Variants in DPYSL2 observed in about 807,000 individuals in gnomAD.
DPYSL2 encodes dihydropyrimidinase like 2.
In DPYSL2, 13 loss-of-function variants were observed where a neutral mutation model predicts 69.9. That is an observed-to-expected ratio of 0.19 (90% CI 0.12 to 0.30). The LOEUF (loss-of-function observed/expected upper bound fraction) is 0.30. Ranked by LOEUF, DPYSL2 falls within the 10% of genes least tolerant of loss-of-function variation. DPYSL2 has a pLI of 1.00. For missense variants in DPYSL2, 587 were observed against 918.9 expected, an observed-to-expected ratio of 0.64 and a Z score of 4.67; for synonymous variants, 326 against 359.1, an observed-to-expected ratio of 0.91 and a Z score of 1.04.
chr8:26,535,199 CAGA>C (rs1183555632), intron 1 of DPYSL2, among the ~76,000 whole-genome samples: 1 of 152,140 alleles, frequency 6.6e-6, no homozygotes. Context: ...CCTTGTGTGA[CAGA>C]AGGAGTGTGA....
Position 26,571,541 on chromosome 8 carries a change from T to C in DPYSL2, c.355-10428T>C, listed in dbSNP as rs1021605849. ...GGTGCAGGGTGGGCATTGCAGGAGT[T>C]CTTCAGGAGGTGTGTGCGCTAACTG... On this transcript the variant is annotated intron_variant, in intron 1 of 13. Transcript: ENST00000521913. This position sits in a 1 kb window ranked among gnomAD's most constrained non-coding sequence, Gnocchi z 6.1. Among the ~76,000 whole-genome samples the C allele has an allele frequency of 1.3e-5, 2 of 152,094 alleles. No homozygotes were observed. The highest frequency in any genetic ancestry group is 2.9e-5 in the Non-Finnish European group (2 of 68,010).
chr8:26,623,928 G>T (rs116273049), intron 3 of DPYSL2: 2 of 554,012 alleles, frequency 3.6e-6, no homozygotes, highest in South Asian at 2.1e-5. Flanking sequence ...GTGTGGTTTC[G>T]CTGGAGACAT....
intron 1 of DPYSL2, among the ~76,000 whole-genome samples, chr8:26,568,931 T>G (rs1277018871): frequency 6.6e-6 from 1 of 151,960 alleles, no homozygotes; most frequent in African/African-American, 2.4e-5. Flanking sequence ...GCTTTGTGAA[T>G]GTGAGGCTTG....
intron 1 of DPYSL2, among the ~76,000 whole-genome samples, chr8:26,572,301 G>C (rs1801250089): frequency 6.6e-6 from 1 of 152,224 alleles, no homozygotes; most frequent in African/African-American, 2.4e-5. Context: ...CAGATGCTGA[G>C]GAACTGAGAG....
intron 1 of DPYSL2, among the ~76,000 whole-genome samples, chr8:26,527,251 G>A (rs544544096): frequency 2.8e-4 from 43 of 152,228 alleles, no homozygotes; most frequent in Non-Finnish European, 5.6e-4. Context: ...TCAATATGCT[G>A]TTAAAATCAG....
At chr8:26,574,297 C>T (rs1023993935) in intron 1 of DPYSL2, among the ~76,000 whole-genome samples, 2 of 152,206 alleles carry the variant, frequency 1.3e-5, no homozygotes, top group East Asian at 1.9e-4. Context: ...ACACTGTGTG[C>T]GTGCACCCAT....
chr8:26,616,878 T>C (rs371255), intron 3 of DPYSL2, among the ~76,000 whole-genome samples: 131,079 of 151,924 alleles, frequency 0.86, 56,665 homozygotes, highest in Non-Finnish European at 0.88. Flanking sequence ...CCTCCTCCCT[T>C]CTATTCCACG....
chr8:26,582,706 T>C lies in DPYSL2; in HGVS notation c.443+649T>C, dbSNP rs1801516389. ...TAAGGAAGCTGAGTTCATCCCAGTA[T>C]CTGCCTGCCCTTTCTACTGGGGTAG... On this transcript the variant is annotated intron_variant, in intron 2 of 13. Transcript: ENST00000521913. This position sits in a 1 kb window ranked among gnomAD's most constrained non-coding sequence, Gnocchi z 4.1. Among the ~76,000 whole-genome samples, 1 of 152,194 alleles carries C rather than the reference T, an allele frequency of 6.6e-6. No homozygotes were observed. The highest frequency in any genetic ancestry group is 6.5e-5 in the Admixed American group (1 of 15,274).
Position 26,624,545 on chromosome 8 carries a change from G to A in DPYSL2, c.793+238G>A, listed in dbSNP as rs530968512. ...AAGAGAAGATGAGGCTTACTGCTGG[G>A]ACCTGTTCTTAGGTGACAGCTGCTC... is the stretch of plus-strand genomic sequence containing the variant. On this transcript the variant is annotated intron_variant, in intron 4 of 13. Coordinates refer to ENST00000521913, the MANE Select transcript of DPYSL2 (RefSeq NM_001197293.3). The surrounding 1 kb of genome is among the most constrained non-coding windows in gnomAD (Gnocchi z 4.7). Among the ~76,000 whole-genome samples, 5 of 152,280 alleles carry A rather than the reference G, an allele frequency of 3.3e-5. No homozygotes were observed. In the South Asian group the frequency reaches 8.3e-4, roughly 25 times the overall value.
intron 1 of DPYSL2, among the ~76,000 whole-genome samples, chr8:26,579,612 C>T (rs982150584): frequency 2.6e-5 from 4 of 152,148 alleles, no homozygotes; most frequent in Non-Finnish European, 4.4e-5. Flanking sequence ...CACACCCATC[C>T]GCGGGAGAGA....
Position 26,514,245 on chromosome 8 carries a change from G to C in DPYSL2, c.-81G>C. On this transcript the variant is annotated 5_prime_UTR_variant, in exon 1 of 14. Coordinates refer to ENST00000521913, the MANE Select transcript of DPYSL2 (RefSeq NM_001197293.3). The surrounding 1 kb of genome is among the most constrained non-coding windows in gnomAD (Gnocchi z 8.4). ...CGGCAGCCGCGGCAGCAGCTAGGGG[G>C]CTTGTGCACACAGCGAGGGAGACTT... 1 of 1,237,966 alleles carries C rather than the reference G, an allele frequency of 8.1e-7. No homozygotes were observed. The highest frequency in any genetic ancestry group is 1.6e-5 in the African/African-American group (1 of 62,982). 76.7% of individuals were successfully genotyped at this position (1,237,966 alleles called of 1,614,324 possible).
chr8:26,655,574 C>T lies in DPYSL2; in HGVS notation c.1943-41C>T, dbSNP rs763393454. The T allele has an allele frequency of 1.3e-4, 204 of 1,543,058 alleles. 2 individuals are homozygous for T. Among genetic ancestry groups the T allele is most frequent in the Non-Finnish European group, 1.6e-4 (180 of 1,127,830 alleles). ...TTCAAGCAGGATCTTGTGTGACTGT[C>T]CTGGCCCCTCACCCGCTCCTCTCTT... On this transcript the variant is annotated intron_variant, in intron 13 of 13. Coordinates refer to ENST00000521913, the MANE Select transcript of DPYSL2 (RefSeq NM_001197293.3).
Position 26,626,823 on chromosome 8 carries a change from C to T in DPYSL2, c.855+145C>T. ...GGATGCAGTTACTGATGTAACTGAG[C>T]CTTGGAAGAGAGTATGAACGCAGTG... On this transcript the variant is annotated intron_variant, in intron 5 of 13. Transcript: ENST00000521913. This position sits in a 1 kb window ranked among gnomAD's most constrained non-coding sequence, Gnocchi z 4.3. The T allele has an allele frequency of 1.2e-6, 1 of 847,410 alleles. No homozygotes were observed. Among genetic ancestry groups the T allele is most frequent in the Non-Finnish European group, 1.9e-6 (1 of 537,414 alleles). 52.5% of individuals were successfully genotyped at this position (847,410 alleles called of 1,614,324 possible).
In DPYSL2 at chr8:26,641,583, C is replaced by T. The variant is rs1165960696; in HGVS notation, c.1127-1856C>T. On this transcript the variant is annotated intron_variant, in intron 8 of 13. Coordinates refer to ENST00000521913, the MANE Select transcript of DPYSL2 (RefSeq NM_001197293.3). The surrounding 1 kb of genome is among the most constrained non-coding windows in gnomAD (Gnocchi z 4.1). ...GGTGTTTTTCCACTTCGGGATGAACCGGAGTGGTTTGTGCAGCCACCTGAT... is the reference window on the plus strand; with the variant it reads ...GGTGTTTTTCCACTTCGGGATGAACTGGAGTGGTTTGTGCAGCCACCTGAT... Among the ~76,000 whole-genome samples the T allele has an allele frequency of 2.6e-5, 4 of 152,238 alleles. No individual in the cohort carries two copies. Among genetic ancestry groups the T allele is most frequent in the African/African-American group, 9.6e-5 (4 of 41,462 alleles).
rs544178381 is a variant in DPYSL2 at position 26,591,435 on chromosome 8, C to G, written c.628+7452C>G. Among the ~76,000 whole-genome samples, 1 of 152,306 alleles carries G rather than the reference C, an allele frequency of 6.6e-6. No individual in the cohort carries two copies. The highest frequency in any genetic ancestry group is 6.5e-5 in the Admixed American group (1 of 15,312). ...TCTAAGTGTGCCCTTGTCCTATGTCCTGGCTGAGTGAGTTGGGCAGAGACT... is the reference window on the plus strand; with the variant it reads ...TCTAAGTGTGCCCTTGTCCTATGTCGTGGCTGAGTGAGTTGGGCAGAGACT... On this transcript the variant is annotated intron_variant, in intron 3 of 13. Coordinates refer to ENST00000521913, the MANE Select transcript of DPYSL2 (RefSeq NM_001197293.3). The surrounding 1 kb of genome is among the most constrained non-coding windows in gnomAD (Gnocchi z 5.8).
At chr8:26,556,094 AAAT>A (rs1218668516) in intron 1 of DPYSL2, among the ~76,000 whole-genome samples, 1 of 60,486 alleles carries the variant, frequency 1.7e-5, no homozygotes, top group East Asian at 5.1e-4. Flanking sequence ...TATACTATAT[AAAT>A]TATATATAGT....
intron 4 of DPYSL2, among the ~76,000 whole-genome samples, chr8:26,625,245 GGTCTTGGACTAGATGTCCTCTAAGATTC>G (rs1378136804): frequency 6.6e-6 from 1 of 152,162 alleles, no homozygotes. Flanking sequence ...CATATATGAG[GGTCTTGGACTAGATGTCCTCTAAGATTC>G]TTTCCAGCAC....
At chr8:26,537,858 T>C (rs1800620663) in intron 1 of DPYSL2, among the ~76,000 whole-genome samples, 1 of 152,232 alleles carries the variant, frequency 6.6e-6, no homozygotes, top group South Asian at 2.1e-4. Flanking sequence ...AGGTCCAACA[T>C]TCAAGTCAGG....
At position 26,655,764 on chromosome 8, in the gene DPYSL2, G is replaced by T; in HGVS notation, c.*58G>T. Reference sequence around the variant, plus strand: ...GGGATGGGACACCTGAGGACATTCTGAGACTTCTTTCTTCCTTCCTTTTTT... The same window carrying T: ...GGGATGGGACACCTGAGGACATTCTTAGACTTCTTTCTTCCTTCCTTTTTT... On this transcript the variant is annotated 3_prime_UTR_variant, in exon 14 of 14. Coordinates refer to ENST00000521913, the MANE Select transcript of DPYSL2 (RefSeq NM_001197293.3). 2 of 1,283,824 alleles carry T rather than the reference G, an allele frequency of 1.6e-6. No homozygotes were observed. The highest frequency in any genetic ancestry group is 2.1e-6 in the Non-Finnish European group (2 of 942,352). 79.5% of individuals were successfully genotyped at this position (1,283,824 alleles called of 1,614,324 possible). A position where few individuals can be genotyped will look rare whatever the true frequency, so the allele number is the denominator to read the frequency against.
Sources: gnomAD v4.1 joint callset for allele counts (sites outside exome capture counted in the v4.1 genomes callset) on GRCh38, gnomAD v4.1.1 for gene constraint, Gnocchi (gnomAD v3.1) non-coding constraint, MANE v1.5 for transcripts, NCBI Gene and HGNC (gene_info 2026-07-23, HGNC 2026-07-21) for gene names.